IGSF21: variants seen among roughly 807,000 people sequenced by gnomAD.
IGSF21 encodes immunoglobulin superfamily member 21.
In IGSF21, 28 loss-of-function variants were observed where a neutral mutation model predicts 46.8. That is an observed-to-expected ratio of 0.60 (90% confidence interval 0.44 to 0.82). The LOEUF (loss-of-function observed/expected upper bound fraction) is 0.82. IGSF21 is among the 40% of genes least tolerant of loss of function. IGSF21 has a pLI of 0.00. For synonymous variants in IGSF21, 284 were observed against 273.6 expected (o/e 1.04, Z -0.38); for missense variants, 624 against 665.5 (o/e 0.94, Z 0.69).
intron 1 of IGSF21, among the ~76,000 whole-genome samples, chr1:18,224,296 G>A (rs1463126135): frequency 1.3e-5 from 2 of 152,096 alleles, no homozygotes; most frequent in African/African-American, 4.8e-5. Flanking sequence ...AAGGCACTGT[G>A]AGCACACACT....
chr1:18,294,497 C>A (rs997966141), intron 3 of IGSF21, among the ~76,000 whole-genome samples: 2 of 152,146 alleles, frequency 1.3e-5, no homozygotes, highest in African/African-American at 4.8e-5. Flanking sequence ...CAGAAGAGGT[C>A]AAAGTTCAGC....
chr1:18,212,792 C>T (rs2084406038), intron 1 of IGSF21, among the ~76,000 whole-genome samples: 1 of 152,216 alleles, frequency 6.6e-6, no homozygotes, highest in African/African-American at 2.4e-5. Flanking sequence ...TGGTCTCAGC[C>T]CTCCTCCCTG....
intron 2 of IGSF21, among the ~76,000 whole-genome samples, chr1:18,250,098 GCTCCCTCC>G (rs781326742): frequency 0.012 from 701 of 59,872 alleles, 13 homozygotes; most frequent in Non-Finnish European, 0.015. Flanking sequence ...TCCCTCCCTC[GCTCCCTCC>G]CTCCCTCCCT....
chr1:18,216,051 A>G (rs2084442195), intron 1 of IGSF21, among the ~76,000 whole-genome samples: 1 of 152,200 alleles, frequency 6.6e-6, no homozygotes, highest in East Asian at 1.9e-4. Context: ...CACATGTTAT[A>G]TTACAATGGA....
intron 2 of IGSF21, among the ~76,000 whole-genome samples, chr1:18,287,053 C>T (rs1569729137): frequency 6.6e-6 from 1 of 150,922 alleles, no homozygotes. Flanking sequence ...TAGTGGCGGG[C>T]ACCTGTAGTC....
chr1:18,313,426 C>T (rs890768570), intron 3 of IGSF21, among the ~76,000 whole-genome samples: 3 of 152,244 alleles, frequency 2.0e-5, no homozygotes, highest in African/African-American at 7.2e-5. Flanking sequence ...AGGCAAGTCA[C>T]TCATCTCTCC....
intron 1 of IGSF21, among the ~76,000 whole-genome samples, chr1:18,130,099 C>G (rs574821426): frequency 6.6e-6 from 1 of 152,156 alleles, no homozygotes; most frequent in South Asian, 2.1e-4. Context: ...TGGGCGGCAC[C>G]AGGACTTGGT....
chr1:18,364,361 G>A (rs996631988), intron 5 of IGSF21, among the ~76,000 whole-genome samples: 1 of 151,756 alleles, frequency 6.6e-6, no homozygotes, highest in African/African-American at 2.4e-5. Context: ...TACAAACTCC[G>A]ACAAAAATCC....
At chr1:18,328,392 T>C (rs2085678563) in intron 3 of IGSF21, among the ~76,000 whole-genome samples, 1 of 152,178 alleles carries the variant, frequency 6.6e-6, no homozygotes, top group Non-Finnish European at 1.5e-5. Context: ...AATTGAACCA[T>C]GGAATGGTTG....
In IGSF21 at chr1:18,340,682, TC is replaced by T. The variant is rs2085823629; in HGVS notation, c.424+5673del. Among the ~76,000 whole-genome samples the T allele has an allele frequency of 2.6e-5, 4 of 152,270 alleles. No individual in the cohort carries two copies. In the South Asian group the frequency reaches 8.3e-4, roughly 32 times the overall value. ...CAGTGTTAGTCCTAGAAGCCTGAAA[TC>T]AAGGTGTCAGTAGGGCCATGCTCCC... On this transcript the variant is annotated intron_variant, in intron 4 of 9. Transcript: ENST00000251296.
At chr1:18,152,474 C>T (rs2086529316) in intron 1 of IGSF21, among the ~76,000 whole-genome samples, 1 of 152,208 alleles carries the variant, frequency 6.6e-6, no homozygotes, top group South Asian at 2.1e-4. Context: ...TCCAAACAGT[C>T]TTGAGCTCAC....
At chr1:18,196,420 C>G (rs544396162) in intron 1 of IGSF21, among the ~76,000 whole-genome samples, 1 of 152,100 alleles carries the variant, frequency 6.6e-6, no homozygotes, top group East Asian at 1.9e-4. Context: ...CCCTGCAGGG[C>G]GCGTCTGCAG....
At chr1:18,245,337 A>T (rs1447149489) in intron 2 of IGSF21, among the ~76,000 whole-genome samples, 4 of 152,168 alleles carry the variant, frequency 2.6e-5, no homozygotes, top group African/African-American at 9.6e-5. Context: ...AATGTAATGA[A>T]TTATGTTGAT....
At chr1:18,221,708 A>G (rs966458349) in intron 1 of IGSF21, among the ~76,000 whole-genome samples, 1 of 152,126 alleles carries the variant, frequency 6.6e-6, no homozygotes, top group Non-Finnish European at 1.5e-5. Flanking sequence ...TCCACTCCTG[A>G]TCCACTTCTC....
At position 18,199,778 on chromosome 1, in the gene IGSF21, C is replaced by A. The variant is rs565786299; in HGVS notation, c.71-28120C>A. Among the ~76,000 whole-genome samples the A allele has an allele frequency of 2.6e-3, 397 of 152,236 alleles. 2 individuals carry two copies. Among genetic ancestry groups the A allele is most frequent in the Middle Eastern group, 0.01 (3 of 294 alleles). On this transcript the variant is annotated intron_variant, in intron 1 of 9. Coordinates refer to ENST00000251296, the MANE Select transcript of IGSF21 (RefSeq NM_032880.5). ...TCTGCTCCACGCCTGGTAATCTCAG[C>A]TGGGAACACATGTTAACAAATGGGC...
At chr1:18,346,536 A>G (rs899029768) in intron 4 of IGSF21, among the ~76,000 whole-genome samples, 1 of 152,112 alleles carries the variant, frequency 6.6e-6, no homozygotes, top group East Asian at 1.9e-4. Context: ...CTTTCCAAGC[A>G]GAAGCCACAG....
At chr1:18,348,827 A>G (rs374033933) in intron 4 of IGSF21, among the ~76,000 whole-genome samples, 1 of 152,180 alleles carries the variant, frequency 6.6e-6, no homozygotes, top group African/African-American at 2.4e-5. Flanking sequence ...TATGAAGCTC[A>G]GCAGCCCTGA....
intron 1 of IGSF21, among the ~76,000 whole-genome samples, chr1:18,220,728 G>A (rs2084502253): frequency 6.6e-6 from 1 of 152,150 alleles, no homozygotes; most frequent in Admixed American, 6.5e-5. Context: ...ACATTTTTGT[G>A]AATCCTTGAA....
intron 1 of IGSF21, among the ~76,000 whole-genome samples, chr1:18,163,541 G>A (rs1008374437): frequency 2.0e-5 from 3 of 152,332 alleles, no homozygotes; most frequent in Admixed American, 2.0e-4. Context: ...TCTGGACAAG[G>A]CTGCACAGCT....
Sources: allele counts gnomAD v4.1 joint callset (sites outside exome capture counted in the v4.1 genomes callset), GRCh38; gene constraint gnomAD v4.1.1; transcripts MANE v1.5; gene names NCBI Gene and HGNC (gene_info 2026-07-23, HGNC 2026-07-21).